Variants in RNF14 observed in about 807,000 individuals in gnomAD.
RNF14 encodes ring finger protein 14.
Under a neutral mutation model 52.6 loss-of-function variants are expected in RNF14, and 26 were observed. The observed-to-expected ratio is 0.49, with a 90% CI of 0.36 to 0.69. The LOEUF (loss-of-function observed/expected upper bound fraction) is 0.69. RNF14 is among the 30% of genes least tolerant of loss of function. The pLI is 0.00. For missense variants in RNF14, 404 were observed against 560.4 expected, an observed-to-expected ratio of 0.72 and a Z score of 2.82; for synonymous variants, 194 against 202.0, an observed-to-expected ratio of 0.96 and a Z score of 0.34.
chr5:141,957,785 C>T, upstream of RNF14: 1 of 1,607,920 alleles, frequency 6.2e-7, no homozygotes, highest in Non-Finnish European at 8.5e-7. The surrounding 1 kb of genome is among the most constrained non-coding windows in gnomAD (Gnocchi z 4.3). Context: ...TCCTGACAAT[C>T]CCCTAAAAGA....
intron 4 of RNF14, among the ~76,000 whole-genome samples, 173 bp from the exon 5 acceptor site, chr5:141,978,130 T>A (rs1380070090): frequency 1.7e-5 from 2 of 116,614 alleles, no homozygotes; most frequent in Admixed American, 1.9e-4. Flanking sequence ...TAAGAAGTGC[T>A]CCAGTAAGAA....
intron 1 of RNF14, among the ~76,000 whole-genome samples, chr5:141,961,002 C>G (rs1186874966): frequency 6.6e-6 from 1 of 152,094 alleles, no homozygotes; most frequent in Non-Finnish European, 1.5e-5. Context: ...ATCCACAGCT[C>G]CAGCCCCGTG....
chr5:141,965,714 AACCAAAT>A (rs367987511), upstream of RNF14, among the ~76,000 whole-genome samples: 485 of 152,234 alleles, frequency 3.2e-3, 3 homozygotes, highest in African/African-American at 0.011. Flanking sequence ...AGGAACAGAA[AACCAAAT>A]ACCACATATT....
At chr5:141,983,343 A>T in intron 6 of RNF14, 37 bp from the exon 7 acceptor site, 1 of 1,550,442 alleles carries the variant, frequency 6.4e-7, no homozygotes, top group Non-Finnish European at 8.8e-7. Flanking sequence ...AGCATTACAA[A>T]GTTATATAAA....
chr5:141,980,251 A>G lies in RNF14; in HGVS notation c.963A>G (p.Glu321=), dbSNP rs1267954085. ...RPCCQLPVMQ[E]PGCTMGICSS... The stretch of plus-strand genomic sequence containing the variant: ...GCTGCCAGCTGCCTGTGATGCAGGA[A>G]CCTGGCTGCACCATGGGTATCTGCT... Residue 321 remains glutamate, a synonymous_variant, in exon 6 of 9, where the codon GAA becomes GAG. Coordinates refer to ENST00000394520, the MANE Select transcript of RNF14 (RefSeq NM_004290.5). 4 of 1,614,108 alleles carry G rather than the reference A, an allele frequency of 2.5e-6. No individual in the cohort carries two copies. Among genetic ancestry groups the G allele is most frequent in the South Asian group, 2.2e-5 (2 of 91,090 alleles).
chr5:141,987,784 A>C lies in RNF14; in HGVS notation c.1419A>C (p.Glu473Asp). The C allele has an allele frequency of 6.2e-7, 1 of 1,613,332 alleles. No individual in the cohort carries two copies. The highest frequency in any genetic ancestry group is 8.5e-7 in the Non-Finnish European group (1 of 1,179,884). Residue 473 changes from glutamate to aspartate, a missense_variant, in exon 9 of 9, where the codon GAA (glutamate) becomes GAC (aspartate). Transcript: ENST00000394520. ...VDDDIWEDEV[E>D]D ...ACGATATTTGGGAAGATGAGGTAGA[A>C]GACTAGTTAACTACTGCTCAAGATA...
intron 5 of RNF14, 103 bp downstream of exon 5, chr5:141,978,933 C>T: frequency 8.0e-7 from 1 of 1,256,296 alleles, no homozygotes; most frequent in Non-Finnish European, 1.1e-6. Context: ...AGTCCGAGGC[C>T]TTGGAGCCAG....
chr5:141,950,419 A>G, the RNF14 span, among the ~76,000 whole-genome samples: 10 of 152,176 alleles, frequency 6.6e-5, no homozygotes, highest in Non-Finnish European at 1.5e-4. Flanking sequence ...TGATAATGAC[A>G]ACTAATGTTT....
intron 6 of RNF14, chr5:141,981,626 G>A (rs111570082): frequency 0.065 from 9,922 of 152,110 alleles, 383 homozygotes; most frequent in Non-Finnish European, 0.088. Flanking sequence ...CACTTTGGGA[G>A]GCCAAGGTGG....
chr5:141,984,087 A>G (rs999314089), intron 7 of RNF14, among the ~76,000 whole-genome samples: 1 of 150,738 alleles, frequency 6.6e-6, no homozygotes, highest in East Asian at 1.9e-4. Context: ...GGAAACTAGG[A>G]CTATATGTAA....
intron 2 of RNF14, among the ~76,000 whole-genome samples, chr5:141,971,911 G>T (rs987266840): frequency 6.6e-6 from 1 of 152,108 alleles, no homozygotes; most frequent in Non-Finnish European, 1.5e-5. Context: ...GTCTCCCAAA[G>T]TGCTGGGATT....
At chr5:141,976,113 A>G (rs1014582253) in intron 4 of RNF14, among the ~76,000 whole-genome samples, 4 of 152,242 alleles carry the variant, frequency 2.6e-5, no homozygotes, top group African/African-American at 4.8e-5. Flanking sequence ...AAAAAGGATA[A>G]CACAGGTAGA....
At chr5:141,956,769 T>C, upstream of RNF14, 1 of 1,614,210 alleles carries the variant, frequency 6.2e-7, no homozygotes, top group Non-Finnish European at 8.5e-7. Flanking sequence ...CTGACACCAG[T>C]GATGGCTGGG....
At chr5:141,987,379 G>C (rs1166618445) in intron 8 of RNF14, among the ~76,000 whole-genome samples, 1 of 152,100 alleles carries the variant, frequency 6.6e-6, no homozygotes, top group African/African-American at 2.4e-5. Context: ...AACTTATTTT[G>C]TCCCATATCA....
upstream of RNF14, among the ~76,000 whole-genome samples, chr5:141,964,558 T>C (rs6580209): frequency 0.19 from 28,417 of 152,164 alleles, 2,975 homozygotes; most frequent in African/African-American, 0.27. Context: ...TTATTTATAA[T>C]TGTGCTTCTA....
upstream of RNF14, among the ~76,000 whole-genome samples, chr5:141,966,569 G>A (rs578258149): frequency 1.5e-3 from 223 of 152,278 alleles, no homozygotes; most frequent in Middle Eastern, 0.014. Context: ...CGGGGAGACT[G>A]CAGTTTAAAA....
chr5:141,987,940 T>C lies in RNF14; in HGVS notation c.*150T>C, dbSNP rs556659590. On this transcript the variant is annotated 3_prime_UTR_variant, in exon 9 of 9. Transcript: ENST00000394520. ...GAACGAGGTTTATATTTTCATGTGG[T>C]ACTACTGAAGAAGGTGCATTGATAC... The C allele has an allele frequency of 1.4e-6, 1 of 703,362 alleles. No homozygotes were observed. The highest frequency in any genetic ancestry group is 1.9e-5 in the South Asian group (1 of 52,760). The allele number at this position is 703,362 out of a possible 1,614,324, so 43.6% of individuals were successfully genotyped here.
chr5:141,984,344 C>T (rs1283087064), intron 7 of RNF14, among the ~76,000 whole-genome samples: 1 of 151,916 alleles, frequency 6.6e-6, no homozygotes, highest in African/African-American at 2.4e-5. Flanking sequence ...ATGACTCGCC[C>T]ACCTTGGCTT....
intron 2 of RNF14, 74 bp from the exon 3 acceptor site, chr5:141,973,509 A>T (rs904043602): frequency 1.2e-5 from 16 of 1,320,800 alleles, no homozygotes; most frequent in Non-Finnish European, 1.7e-5. Context: ...AAGTGTTGGG[A>T]TTACAGGTGT....
Sources: gnomAD v4.1 joint callset for allele counts (sites outside exome capture counted in the v4.1 genomes callset) on GRCh38, gnomAD v4.1.1 for gene constraint, Gnocchi (gnomAD v3.1) non-coding constraint, MANE v1.5 for transcripts, NCBI Gene and HGNC (gene_info 2026-07-23, HGNC 2026-07-21) for gene names.